The following NRXN1 variants were observed in gnomAD, a reference collection of about 807,000 sequenced individuals.
NRXN1 encodes neurexin 1.
NRXN1 carries 39 observed loss-of-function variants against 150.9 expected under a neutral mutation model. That is an observed-to-expected ratio of 0.26 (90% CI 0.20 to 0.34). The LOEUF is 0.34. NRXN1 is among the 10% of genes least tolerant of loss of function. NRXN1 has a pLI of 1.00. For synonymous variants in NRXN1, 924 were observed against 757.0 expected (o/e 1.22, Z -3.62); for missense variants, 1,815 against 1,949.9 (o/e 0.93, Z 1.30).
intron 2 of NRXN1, among the ~76,000 whole-genome samples, chr2:50,975,707 C>T (rs988312453): frequency 6.6e-6 from 1 of 152,030 alleles, no homozygotes; most frequent in African/African-American, 2.4e-5. Context: ...GGAACTGACC[C>T]TTCCGGATTC....
chr2:50,044,335 G>A (rs1691473033), intron 21 of NRXN1, among the ~76,000 whole-genome samples: 2 of 152,166 alleles, frequency 1.3e-5, no homozygotes, highest in Non-Finnish European at 2.9e-5. Context: ...AGTCCTAGAA[G>A]GGAGCTAAGG....
chr2:50,365,215 T>C (rs1166755557), intron 17 of NRXN1, among the ~76,000 whole-genome samples: 1 of 152,060 alleles, frequency 6.6e-6, no homozygotes, highest in Non-Finnish European at 1.5e-5. Context: ...CAGCAAATGT[T>C]TGCTTTAATG....
chr2:49,951,024 GT>G (rs1673858208), intron 21 of NRXN1, among the ~76,000 whole-genome samples: 1 of 151,882 alleles, frequency 6.6e-6, no homozygotes, highest in Admixed American at 6.6e-5. Flanking sequence ...GTATGCAATG[GT>G]TCCAGAACCA....
chr2:50,105,586 A>C (rs1226327898), intron 18 of NRXN1, among the ~76,000 whole-genome samples: 1 of 152,044 alleles, frequency 6.6e-6, no homozygotes, highest in Non-Finnish European at 1.5e-5. Flanking sequence ...CTTCCAATCA[A>C]ATCCAAAAGA....
intron 5 of NRXN1, among the ~76,000 whole-genome samples, chr2:50,748,790 T>TG (rs1700269971): frequency 6.6e-6 from 1 of 152,118 alleles, no homozygotes; most frequent in African/African-American, 2.4e-5. Flanking sequence ...ATTAACTGCT[T>TG]GAGTCAAGAG....
chr2:50,382,858 C>A (rs2081068871), intron 17 of NRXN1, among the ~76,000 whole-genome samples: 1 of 152,114 alleles, frequency 6.6e-6, no homozygotes, highest in Non-Finnish European at 1.5e-5. Context: ...CCCTGAAGAC[C>A]AGGCTAACTC....
At chr2:50,304,204 G>A (rs1394888655) in intron 17 of NRXN1, among the ~76,000 whole-genome samples, 1 of 152,080 alleles carries the variant, frequency 6.6e-6, no homozygotes, top group African/African-American at 2.4e-5. Flanking sequence ...GAAATAAATT[G>A]TGAACCAAAC....
At chr2:50,061,282 C>G (rs925112341) in intron 19 of NRXN1, among the ~76,000 whole-genome samples, 1 of 152,028 alleles carries the variant, frequency 6.6e-6, no homozygotes, top group Non-Finnish European at 1.5e-5. Context: ...GGATATAAAC[C>G]ATTTGATTGG....
intron 18 of NRXN1, among the ~76,000 whole-genome samples, chr2:50,197,957 G>A (rs896995652): frequency 1.3e-5 from 2 of 152,084 alleles, no homozygotes; most frequent in Non-Finnish European, 2.9e-5. Flanking sequence ...AATTCCAGTT[G>A]GTTGTAAAGT....
At chr2:50,629,403 A>C (rs1374776931) in intron 5 of NRXN1, among the ~76,000 whole-genome samples, 1 of 151,676 alleles carries the variant, frequency 6.6e-6, no homozygotes, top group East Asian at 1.9e-4. Flanking sequence ...TTATATAAAA[A>C]ATTTAAAAAC....
chr2:50,897,925 A>G (rs1031334744), intron 5 of NRXN1, among the ~76,000 whole-genome samples: 1 of 150,892 alleles, frequency 6.6e-6, no homozygotes, highest in Non-Finnish European at 1.5e-5. Context: ...TGATGATAGC[A>G]AAAACAAAAC....
chr2:50,662,202 T>G (rs1444591641), intron 5 of NRXN1, among the ~76,000 whole-genome samples: 2 of 151,946 alleles, frequency 1.3e-5, no homozygotes, highest in Non-Finnish European at 2.9e-5. Context: ...CTATTTTGCT[T>G]TCAGTATTTT....
chr2:50,862,250 A>T (rs1418764878), intron 5 of NRXN1, among the ~76,000 whole-genome samples: 2 of 152,094 alleles, frequency 1.3e-5, no homozygotes, highest in South Asian at 4.2e-4. Context: ...AATCAGTTGC[A>T]GAGTCAGGGA....
chr2:51,023,693 C>A (rs1669980847), intron 2 of NRXN1, among the ~76,000 whole-genome samples: 1 of 152,158 alleles, frequency 6.6e-6, no homozygotes, highest in Non-Finnish European at 1.5e-5. Context: ...TATTTCTGCA[C>A]TACCATTTTA....
chr2:50,965,382 C>T (rs1693896195), intron 2 of NRXN1, among the ~76,000 whole-genome samples: 1 of 150,472 alleles, frequency 6.6e-6, no homozygotes, highest in African/African-American at 2.4e-5. Context: ...ATCCTGTTGA[C>T]CAAATATTTG....
At chr2:50,536,599 T>C (rs2105246926) in intron 10 of NRXN1, among the ~76,000 whole-genome samples, 1 of 152,348 alleles carries the variant, frequency 6.6e-6, no homozygotes, top group East Asian at 1.9e-4. Flanking sequence ...ATACCCTTTT[T>C]TCAGCTTCAC....
At chr2:50,782,275 C>A (rs1704452875) in intron 5 of NRXN1, among the ~76,000 whole-genome samples, 1 of 152,020 alleles carries the variant, frequency 6.6e-6, no homozygotes, top group Non-Finnish European at 1.5e-5. Context: ...TTGAGACCAT[C>A]CTGGCCAACC....
chr2:50,463,908 A>C (rs1163814385), intron 17 of NRXN1: 2 of 151,656 alleles, frequency 1.3e-5, no homozygotes, highest in Non-Finnish European at 3.0e-5. Flanking sequence ...TTCAGGATGA[A>C]AAATTTGCGA....
At chr2:50,247,774 G>C (rs2066645988) in intron 17 of NRXN1, among the ~76,000 whole-genome samples, 2 of 152,036 alleles carry the variant, frequency 1.3e-5, no homozygotes, top group Admixed American at 1.3e-4. Flanking sequence ...ACAGAAGAGG[G>C]CATTAGTGGG....
Sources: allele counts gnomAD v4.1 joint callset (sites outside exome capture counted in the v4.1 genomes callset), GRCh38; gene constraint gnomAD v4.1.1; transcripts MANE v1.5; gene names NCBI Gene and HGNC (gene_info 2026-07-23, HGNC 2026-07-21).